Variants in EBF2 observed in about 807,000 individuals in gnomAD.
EBF2 encodes the protein transcription factor COE2.
In EBF2, 21 loss-of-function variants were observed where a neutral mutation model predicts 72.8. The ratio of observed to expected loss-of-function variants is 0.29; its 90% confidence interval spans 0.20 to 0.42. The LOEUF is 0.42. Among genes scored for constraint, EBF2 ranks in the 10% least tolerant of loss-of-function variants. The pLI is 1.00. For missense variants in EBF2, 637 were observed against 731.2 expected (o/e 0.87, Z 1.49); for synonymous variants, 299 against 274.2 (o/e 1.09, Z -0.89).
intron 6 of EBF2, among the ~76,000 whole-genome samples, chr8:25,924,333 T>C (rs762252693): frequency 1.3e-5 from 2 of 152,206 alleles, no homozygotes; most frequent in Non-Finnish European, 2.9e-5. Context: ...TAAGTAACCA[T>C]GACACACTTA....
chr8:26,006,864 T>C (rs1804891169), intron 6 of EBF2, among the ~76,000 whole-genome samples: 1 of 152,224 alleles, frequency 6.6e-6, no homozygotes, highest in Admixed American at 6.5e-5. Flanking sequence ...CAGGACCCAC[T>C]TGATTCATAC....
chr8:25,931,384 G>A (rs1043803409), intron 6 of EBF2, among the ~76,000 whole-genome samples: 4 of 152,140 alleles, frequency 2.6e-5, no homozygotes, highest in African/African-American at 9.7e-5. Context: ...TTTGACTCAA[G>A]CAGCAAGGTT....
intron 15 of EBF2, among the ~76,000 whole-genome samples, chr8:25,844,844 G>A (rs1192552298): frequency 6.6e-6 from 1 of 152,206 alleles, no homozygotes; most frequent in Non-Finnish European, 1.5e-5. Context: ...TGGAATCACT[G>A]AAGTACAAGG....
At chr8:25,866,898 C>T (rs1436462897) in intron 10 of EBF2, among the ~76,000 whole-genome samples, 1 of 151,834 alleles carries the variant, frequency 6.6e-6, no homozygotes, top group Non-Finnish European at 1.5e-5. Context: ...TCCCAAAGCG[C>T]TGGGATTACA....
chr8:25,907,418 TCAAAAAAAAAAAAA>T (rs1803053813), intron 7 of EBF2, among the ~76,000 whole-genome samples: 1 of 16,070 alleles, frequency 6.2e-5, no homozygotes, highest in Non-Finnish European at 1.2e-4. Flanking sequence ...AGACCCTGCC[TCAAAAAAAAAAAAA>T]AAAAAAAAAA....
intron 10 of EBF2, among the ~76,000 whole-genome samples, chr8:25,883,413 C>A (rs62499072): frequency 9.6e-6 from 1 of 104,156 alleles, no homozygotes; most frequent in South Asian, 3.1e-4. Flanking sequence ...GTAGCCATCT[C>A]CCTTTTTTTT....
At chr8:25,912,216 G>A (rs927829095) in intron 6 of EBF2, among the ~76,000 whole-genome samples, 1 of 152,064 alleles carries the variant, frequency 6.6e-6, no homozygotes, top group Non-Finnish European at 1.5e-5. Flanking sequence ...AAGAATTTAA[G>A]AAACTTGCCA....
chr8:25,934,661 G>A (rs1317612424), intron 6 of EBF2, among the ~76,000 whole-genome samples: 1 of 152,132 alleles, frequency 6.6e-6, no homozygotes, highest in East Asian at 1.9e-4. Flanking sequence ...GTGACACAAT[G>A]TGCATGGCTG....
At chr8:25,881,216 C>A (rs573724332) in intron 10 of EBF2, among the ~76,000 whole-genome samples, 17 of 152,308 alleles carry the variant, frequency 1.1e-4, no homozygotes, top group Admixed American at 3.3e-4. Flanking sequence ...CAAAGCTTCC[C>A]ATGGCGCTTG....
At chr8:25,943,565 G>A (rs1427574444) in intron 6 of EBF2, among the ~76,000 whole-genome samples, 6 of 152,062 alleles carry the variant, frequency 3.9e-5, no homozygotes, top group African/African-American at 1.4e-4. Flanking sequence ...CTGACTCCTA[G>A]TTCTATGTCC....
intron 6 of EBF2, among the ~76,000 whole-genome samples, chr8:25,991,113 AT>A (rs1212264650): frequency 4.3e-4 from 63 of 146,996 alleles, no homozygotes; most frequent in African/African-American, 1.6e-3. Flanking sequence ...TGTGAAAAAA[AT>A]AAAAAAAAAG....
At chr8:25,917,201 T>TTTG (rs1007671031) in intron 6 of EBF2, among the ~76,000 whole-genome samples, 2 of 131,276 alleles carry the variant, frequency 1.5e-5, no homozygotes, top group East Asian at 2.0e-4. Context: ...GGTTTGGGGT[T>TTTG]TTTTTTTTTT....
intron 6 of EBF2, among the ~76,000 whole-genome samples, chr8:25,941,066 A>T (rs1412903520): frequency 6.6e-6 from 1 of 152,202 alleles, no homozygotes; most frequent in Non-Finnish European, 1.5e-5. Flanking sequence ...TGTCTAAAAC[A>T]TATTTTCATG....
intron 10 of EBF2, among the ~76,000 whole-genome samples, chr8:25,883,622 C>T (rs1802639014): frequency 6.6e-6 from 1 of 152,162 alleles, no homozygotes; most frequent in African/African-American, 2.4e-5. Context: ...GGGTGAGGAC[C>T]TCTTTTACAC....
At chr8:25,985,291 T>C (rs575096996) in intron 6 of EBF2, among the ~76,000 whole-genome samples, 2 of 152,276 alleles carry the variant, frequency 1.3e-5, no homozygotes, top group Admixed American at 6.5e-5. Context: ...TGGCTACATA[T>C]AAAATATACA....
chr8:25,900,778 A>C (rs1335312881), intron 7 of EBF2, among the ~76,000 whole-genome samples: 1 of 151,314 alleles, frequency 6.6e-6, no homozygotes, highest in Admixed American at 6.6e-5. Flanking sequence ...TAAAACTTAA[A>C]GTATAATAAT....
chr8:25,932,667 C>G (rs913556576), intron 6 of EBF2, among the ~76,000 whole-genome samples: 15 of 152,052 alleles, frequency 9.9e-5, no homozygotes, highest in Non-Finnish European at 1.9e-4. Context: ...ACTGAGTCCC[C>G]CGTAATTACA....
At chr8:25,912,466 GCACACACA>G (rs141335310) in intron 6 of EBF2, among the ~76,000 whole-genome samples, 38 of 136,950 alleles carry the variant, frequency 2.8e-4, no homozygotes, top group African/African-American at 8.8e-4. Context: ...TCTAAAAATG[GCACACACA>G]CACACACACA....
chr8:25,956,017 G>C lies in EBF2; in HGVS notation c.552-47462C>G, dbSNP rs532984263. On this transcript the variant is annotated intron_variant, in intron 6 of 15. Transcript: ENST00000520164. ...CCCCATCTTTATTTTTTAAAAAAAG[G>C]AATTGGAGTATGAATGTACCTTTTG... is the stretch of plus-strand genomic sequence containing the variant. Among the ~76,000 whole-genome samples, 41 of 152,184 alleles carry C rather than the reference G, an allele frequency of 2.7e-4. 1 individual carries two copies. In the East Asian group the frequency reaches 7.6e-3, roughly 28 times the overall value.
Sources: allele counts gnomAD v4.1 joint callset (sites outside exome capture counted in the v4.1 genomes callset), GRCh38; gene constraint gnomAD v4.1.1; transcripts MANE v1.5; gene names NCBI Gene and HGNC (gene_info 2026-07-23, HGNC 2026-07-21).